Variants in CSMD2 observed in about 807,000 individuals in gnomAD.
CSMD2 encodes CUB and Sushi multiple domains 2, also known as CUB and sushi domain-containing protein 2.
Under a neutral mutation model 398.5 loss-of-function variants are expected in CSMD2, and 130 were observed. The observed-to-expected ratio is 0.33, with a 90% CI of 0.28 to 0.38. CSMD2 has a LOEUF of 0.38. Among genes scored for constraint, CSMD2 ranks in the 10% least tolerant of loss-of-function variants. The probability of loss-of-function intolerance (pLI) is 1.00; values close to 1 mark genes in which losing one functional copy is unlikely to be tolerated. For missense variants in CSMD2, 3,829 were observed against 4,764.9 expected (o/e 0.80, Z 5.78); for synonymous variants, 1,828 against 1,908.5 (o/e 0.96, Z 1.10).
chr1:33,749,115 T>TTC (rs1553193285), intron 13 of CSMD2, among the ~76,000 whole-genome samples: 20 of 147,322 alleles, frequency 1.4e-4, no homozygotes, highest in African/African-American at 4.8e-4. Context: ...TTTTTTTTTT[T>TTC]TTGAGACGGA....
chr1:33,682,918 A>G (rs972186266), intron 25 of CSMD2, among the ~76,000 whole-genome samples: 2 of 152,228 alleles, frequency 1.3e-5, no homozygotes, highest in Non-Finnish European at 2.9e-5. Flanking sequence ...TTCACTGAGC[A>G]CATTTTAGCC....
At chr1:33,864,342 T>C in intron 5 of CSMD2, 1 of 1,613,772 alleles carries the variant, frequency 6.2e-7, no homozygotes, top group Non-Finnish European at 8.5e-7. Context: ...AAAATGGAGA[T>C]CCATCTCAAA....
chr1:33,600,107 G>C (rs761047117), intron 44 of CSMD2: 3 of 701,634 alleles, frequency 4.3e-6, no homozygotes, highest in Admixed American at 2.2e-5. Context: ...ACTCCAAGCC[G>C]GTAATTCTAC....
chr1:34,015,222 C>G (rs1647918483), intron 3 of CSMD2, among the ~76,000 whole-genome samples: 1 of 152,166 alleles, frequency 6.6e-6, no homozygotes. Flanking sequence ...AAAATGGGAT[C>G]TTGGAGGGGA....
chr1:34,040,549 A>G (rs1651736348), intron 2 of CSMD2, among the ~76,000 whole-genome samples: 1 of 152,208 alleles, frequency 6.6e-6, no homozygotes, highest in Non-Finnish European at 1.5e-5. Flanking sequence ...CTCACCTTGC[A>G]TGTGTATTTC....
chr1:33,685,862 G>A (rs1645048231), intron 25 of CSMD2, among the ~76,000 whole-genome samples: 1 of 152,182 alleles, frequency 6.6e-6, no homozygotes, highest in East Asian at 1.9e-4. Flanking sequence ...GGCAGACAAG[G>A]CCTGGCCTTG....
Position 33,519,948 on chromosome 1 carries a change from G to C in CSMD2, c.10600C>G (p.Leu3534Val). The change falls in exon 69 of 71, where the codon CTC becomes GTC. Residue 3534 changes from leucine to valine, a missense_variant and splice_region_variant. This residue lies in a region of CSMD2 where 917 missense variants were observed against 1,199.5 expected (regional missense o/e 0.76). Transcript: ENST00000373381. The surrounding 1 kb of genome is among the most constrained non-coding windows in gnomAD (Gnocchi z 5.6). ...TCGGGGTCTGACTCCAGCAGCCTGA[G>C]GTCTGTAAAGTCCCAAAGCAGAAAA... ...FGQFGFQRLD[L>V]RLLESDPESI... The C allele has an allele frequency of 6.2e-7, 1 of 1,614,078 alleles. No individual in the cohort carries two copies. Among genetic ancestry groups the C allele is most frequent in the South Asian group, 1.1e-5 (1 of 91,076 alleles).
intron 60 of CSMD2, 118 bp downstream of exon 60, chr1:33,540,407 C>T: frequency 3.1e-6 from 3 of 969,836 alleles, no homozygotes; most frequent in Non-Finnish European, 4.7e-6. Flanking sequence ...GATGAAGCTC[C>T]TCCCTGGTTT....
chr1:33,586,982 G>A (rs1639123736), intron 45 of CSMD2, 106 bp downstream of exon 45: 2 of 799,392 alleles, frequency 2.5e-6, no homozygotes, highest in African/African-American at 3.5e-5. Context: ...TCTCTCCACA[G>A]ACAGGAGCAG....
chr1:33,675,385 T>C (rs375056382), intron 25 of CSMD2, among the ~76,000 whole-genome samples: 2 of 152,104 alleles, frequency 1.3e-5, no homozygotes, highest in Non-Finnish European at 2.9e-5. Context: ...CCTACAAACA[T>C]ACACCCTCCC....
chr1:33,952,657 GTTC>G (rs1371306305), intron 3 of CSMD2, among the ~76,000 whole-genome samples: 1 of 150,808 alleles, frequency 6.6e-6, no homozygotes, highest in Admixed American at 6.6e-5. Context: ...ATTTTATGTG[GTTC>G]TTGTTTTTGT....
chr1:34,152,294 G>A (rs376797569), intron 1 of CSMD2, among the ~76,000 whole-genome samples: 1 of 152,146 alleles, frequency 6.6e-6, no homozygotes, highest in South Asian at 2.1e-4. Flanking sequence ...GGGAGGCCAG[G>A]GCACCAGGTA....
rs552230449 is a variant in CSMD2 at position 33,857,705 on chromosome 1, T to C, written c.921-10709A>G. On this transcript the variant is annotated intron_variant, in intron 5 of 70. Transcript: ENST00000373381. ...GCCTCTGATTAGTTTAGCTGGGGAA[T>C]GTACCCATTCCTGGGGCCAAGGAGG... Among the ~76,000 whole-genome samples the C allele has an allele frequency of 2.6e-5, 4 of 152,238 alleles. No homozygotes were observed. In the East Asian group the frequency reaches 7.7e-4, roughly 29 times the overall value.
At chr1:33,789,535 G>A (rs918546784) in intron 11 of CSMD2, among the ~76,000 whole-genome samples, 1 of 152,236 alleles carries the variant, frequency 6.6e-6, no homozygotes, top group East Asian at 1.9e-4. Context: ...ATTTCCAGAA[G>A]AAATCCAACC....
At chr1:33,921,714 C>T (rs185923133) in intron 4 of CSMD2, among the ~76,000 whole-genome samples, 10 of 152,346 alleles carry the variant, frequency 6.6e-5, no homozygotes, top group South Asian at 2.1e-4. Context: ...AAGGCCTTGA[C>T]AGCACTGCCG....
chr1:34,047,169 T>C (rs1488151204), intron 2 of CSMD2, among the ~76,000 whole-genome samples: 1 of 152,044 alleles, frequency 6.6e-6, no homozygotes, highest in Non-Finnish European at 1.5e-5. Context: ...TCCCACTCCA[T>C]CACCACCCTC....
rs1380513125 is a variant in CSMD2, at chr1:33,515,052, G to A, written c.*1572C>T. Reference sequence around the variant, plus strand: ...GGCTTAAGCTTGTGGGGGCCTTCCCGAGGACAGAGAAAGTGGCCCTAAATG... The same window carrying A: ...GGCTTAAGCTTGTGGGGGCCTTCCCAAGGACAGAGAAAGTGGCCCTAAATG... On this transcript the variant is annotated 3_prime_UTR_variant, in exon 71 of 71. Coordinates refer to ENST00000373381, the MANE Select transcript of CSMD2 (RefSeq NM_001281956.2). 29 of 152,236 alleles carry A rather than the reference G, an allele frequency of 1.9e-4. 1 individual carries two copies. The highest frequency in any genetic ancestry group is 2.1e-4 in the South Asian group (1 of 4,832). 9.4% of individuals were successfully genotyped at this position (152,236 alleles called of 1,614,324 possible). A position where few individuals can be genotyped will look rare whatever the true frequency, so the allele number is the denominator to read the frequency against.
At chr1:33,964,158 A>G (rs1012171899) in intron 3 of CSMD2, among the ~76,000 whole-genome samples, 35 of 152,330 alleles carry the variant, frequency 2.3e-4, no homozygotes, top group African/African-American at 8.2e-4. Context: ...AAGTGGTGCC[A>G]TGGAGTGGTG....
At chr1:33,754,440 GAACAGATC>G (rs1648713480) in intron 13 of CSMD2, among the ~76,000 whole-genome samples, 1 of 152,144 alleles carries the variant, frequency 6.6e-6, no homozygotes, top group African/African-American at 2.4e-5. Context: ...ATCAGGAGCT[GAACAGATC>G]TTGGTGCCAT....
Sources: allele counts gnomAD v4.1 joint callset (sites outside exome capture counted in the v4.1 genomes callset), GRCh38; gene constraint gnomAD v4.1.1; regional missense constraint gnomAD v4.1.1; non-coding constraint Gnocchi (gnomAD v3.1); transcripts MANE v1.5; gene names NCBI Gene and HGNC (gene_info 2026-07-23, HGNC 2026-07-21).